Variants in PRKN observed in about 807,000 individuals in gnomAD.
PRKN encodes the protein E3 ubiquitin-protein ligase parkin.
A neutral mutation model predicts 59.5 loss-of-function variants in PRKN; 56 were observed. The ratio of observed to expected loss-of-function variants is 0.94; its 90% CI spans 0.76 to 1.18. The LOEUF (loss-of-function observed/expected upper bound fraction) is 1.18, where lower values mean the gene tolerates loss of function less well. Among genes scored for constraint, PRKN ranks in the 50% most tolerant of loss-of-function variants. The pLI is 0.00. For synonymous variants in PRKN, 250 were observed against 222.1 expected, an observed-to-expected ratio of 1.13 and a Z score of -1.12; for missense variants, 657 against 596.4, an observed-to-expected ratio of 1.10 and a Z score of -1.06.
At position 162,056,137 on chromosome 6, in the gene PRKN, GACACACCACACACGCACGCACACCAAA is replaced by G. The variant is rs1412780064; in HGVS notation, c.535-1990_535-1964del. ...ACCCACATGCATGCACGCACACCAA[GACACACCACACACGCACGCACACCAAA>G]ACACACCACACATGCATAAACACAC... On this transcript the variant is annotated intron_variant, in intron 4 of 11. Transcript: ENST00000366898. The surrounding 1 kb of genome is among the most constrained non-coding windows in gnomAD (Gnocchi z 4.9). Among the ~76,000 whole-genome samples the G allele has an allele frequency of 1.4e-4, 20 of 147,322 alleles. No homozygotes were observed. Among genetic ancestry groups the G allele is most frequent in the Admixed American group, 1.3e-3 (20 of 14,824 alleles).
At chr6:161,478,295 T>C (rs1791219210) in intron 9 of PRKN, among the ~76,000 whole-genome samples, 1 of 152,228 alleles carries the variant, frequency 6.6e-6, no homozygotes, top group African/African-American at 2.4e-5. Context: ...ATTATGTGTC[T>C]CTTTTTCACA....
intron 4 of PRKN, among the ~76,000 whole-genome samples, chr6:162,143,754 T>A (rs1367416571): frequency 6.6e-6 from 1 of 152,172 alleles, no homozygotes; most frequent in African/African-American, 2.4e-5. Flanking sequence ...TCTGTCTGCA[T>A]GGGTTTCTTA....
In PRKN at chr6:161,390,650, G is replaced by A. The variant is rs573911913; in HGVS notation, c.1084-3773C>T. Among the ~76,000 whole-genome samples, 147 of 152,098 alleles carry A rather than the reference G, an allele frequency of 9.7e-4. No individual in the cohort carries two copies. Among genetic ancestry groups the A allele is most frequent in the Non-Finnish European group, 1.9e-3 (126 of 67,996 alleles). ...ACTACAGGCGCCTGCCACCACGCCC[G>A]GCTAATTTTTGTATTTTTAGTAAAG... On this transcript the variant is annotated intron_variant, in intron 9 of 11. Coordinates refer to ENST00000366898, the MANE Select transcript of PRKN (RefSeq NM_004562.3). This position sits in a 1 kb window ranked among gnomAD's most constrained non-coding sequence, Gnocchi z 7.0.
In PRKN at chr6:161,407,125, A is replaced by G. The variant is rs534608411; in HGVS notation, c.1084-20248T>C. ...TGAGTATGCTATATTTGTCATTAAA[A>G]TGTCTTTATATTTTTATAAATATGG... On this transcript the variant is annotated intron_variant, in intron 9 of 11. Transcript: ENST00000366898. The surrounding 1 kb of genome is among the most constrained non-coding windows in gnomAD (Gnocchi z 4.9). 4.0e-4 allele frequency among the ~76,000 whole-genome samples: 61 copies of G among 152,336 alleles called. No homozygotes were observed. Among genetic ancestry groups the G allele is most frequent in the African/African-American group, 1.4e-3 (57 of 41,568 alleles).
chr6:162,439,217 T>G (rs1789932067), intron 2 of PRKN, among the ~76,000 whole-genome samples: 1 of 152,084 alleles, frequency 6.6e-6, no homozygotes, highest in Non-Finnish European at 1.5e-5. Context: ...GTCTAAATGT[T>G]TTCTATGTTG....
At chr6:162,666,177 A>C (rs553634259) in intron 1 of PRKN, among the ~76,000 whole-genome samples, 2 of 152,168 alleles carry the variant, frequency 1.3e-5, no homozygotes, top group African/African-American at 4.8e-5. Context: ...TAAGATGTCT[A>C]TAAGAAAAGA....
At chr6:162,546,736 G>GA (rs1562373568) in intron 1 of PRKN, among the ~76,000 whole-genome samples, 2 of 152,068 alleles carry the variant, frequency 1.3e-5, no homozygotes, top group Non-Finnish European at 2.9e-5. Context: ...GAGCCACCGC[G>GA]CCTGGCCCAA....
intron 6 of PRKN, among the ~76,000 whole-genome samples, chr6:161,825,971 C>T (rs1694331230): frequency 6.6e-6 from 1 of 152,130 alleles, no homozygotes; most frequent in Admixed American, 6.6e-5. Context: ...TGCCTTTATT[C>T]CCCTCTATTT....
chr6:162,011,437 A>T lies in PRKN; in HGVS notation c.619-38020T>A, dbSNP rs1782694763. On this transcript the variant is annotated intron_variant, in intron 5 of 11. Coordinates refer to ENST00000366898, the MANE Select transcript of PRKN (RefSeq NM_004562.3). ...TATTATATTTTATAATATATATGTT[A>T]TATATTTATAATATATAATATATAT... Among the ~76,000 whole-genome samples, 2 of 23,626 alleles carry T rather than the reference A, an allele frequency of 8.5e-5. 1 individual carries two copies. The highest frequency in any genetic ancestry group is 1.1e-4 in the Non-Finnish European group (2 of 17,888). 15.5% of individuals were successfully genotyped at this position (23,626 alleles called of 152,430 possible).
At chr6:161,887,253 T>C (rs1386182813) in intron 6 of PRKN, among the ~76,000 whole-genome samples, 2 of 152,176 alleles carry the variant, frequency 1.3e-5, no homozygotes, top group African/African-American at 4.8e-5. Flanking sequence ...AGCTGAATGG[T>C]TACAGAGGTA....
chr6:162,340,709 GA>G (rs1228257423), intron 2 of PRKN, among the ~76,000 whole-genome samples: 1 of 152,172 alleles, frequency 6.6e-6, no homozygotes, highest in Non-Finnish European at 1.5e-5. Context: ...ACGGTGTTGG[GA>G]AAACTGGCTA....
At chr6:162,281,305 T>C (rs1460792066) in intron 2 of PRKN, among the ~76,000 whole-genome samples, 3 of 151,932 alleles carry the variant, frequency 2.0e-5, no homozygotes, top group Admixed American at 2.0e-4. Context: ...TTAGGAGAAA[T>C]ACCTAATGTA....
chr6:161,849,534 C>T (rs1385385710), intron 6 of PRKN, among the ~76,000 whole-genome samples: 1 of 152,110 alleles, frequency 6.6e-6, no homozygotes, highest in Non-Finnish European at 1.5e-5. Context: ...TTAAGCCCTG[C>T]CCCCACCTTC....
intron 7 of PRKN, among the ~76,000 whole-genome samples, chr6:161,657,554 T>C (rs1784395917): frequency 6.6e-6 from 1 of 152,078 alleles, no homozygotes; most frequent in South Asian, 2.1e-4. Context: ...TGTCTTATTT[T>C]CCTAAGGAGA....
chr6:161,984,478 G>A (rs548256926), intron 5 of PRKN, among the ~76,000 whole-genome samples: 2 of 152,102 alleles, frequency 1.3e-5, no homozygotes, highest in South Asian at 2.1e-4. Context: ...GGATGGTCTC[G>A]AACTCCTGAC....
chr6:162,382,922 T>C (rs748580128), intron 2 of PRKN, among the ~76,000 whole-genome samples: 1 of 152,210 alleles, frequency 6.6e-6, no homozygotes. Context: ...TCCATCTCAA[T>C]AAACTGCTTT....
chr6:161,386,813 G>T lies in PRKN; in HGVS notation c.1148C>A (p.Ala383Asp), dbSNP rs1328846265. 1 of 1,613,406 alleles carries T rather than the reference G, an allele frequency of 6.2e-7. No homozygotes were observed. The highest frequency in any genetic ancestry group is 1.3e-5 in the African/African-American group (1 of 74,876). The change falls in exon 10 of 12, where the codon GCC (alanine) becomes GAC (aspartate). Residue 383 changes from alanine to aspartate, a missense_variant. By Grantham distance (126) the Ala-to-Asp change is moderately radical (BLOSUM62 -2). Coordinates refer to ENST00000366898, the MANE Select transcript of PRKN (RefSeq NM_004562.3). The surrounding 1 kb of genome is among the most constrained non-coding windows in gnomAD (Gnocchi z 4.3). ...HEGECSAVFE[A>D]SGTTTQAYRV... Reference sequence around the variant, plus strand: ...CTGTACCTGAGTAGTTGTTCCTGAGGCTTCAAATACGGCACTGCACTCCCC... The same window carrying T: ...CTGTACCTGAGTAGTTGTTCCTGAGTCTTCAAATACGGCACTGCACTCCCC...
intron 5 of PRKN, among the ~76,000 whole-genome samples, chr6:162,000,777 GT>G (rs1399695555): frequency 6.6e-6 from 1 of 151,630 alleles, no homozygotes; most frequent in Non-Finnish European, 1.5e-5. Context: ...GAGTCTTATA[GT>G]TCTGCACTTT....
chr6:162,082,117 A>G (rs1026183449), intron 4 of PRKN, among the ~76,000 whole-genome samples: 1 of 152,030 alleles, frequency 6.6e-6, no homozygotes, highest in Non-Finnish European at 1.5e-5. Context: ...ACAATTTCCA[A>G]GTGTTGTGGG....
Sources: allele counts gnomAD v4.1 joint callset (sites outside exome capture counted in the v4.1 genomes callset), GRCh38; gene constraint gnomAD v4.1.1; non-coding constraint Gnocchi (gnomAD v3.1); transcripts MANE v1.5; gene names NCBI Gene and HGNC (gene_info 2026-07-23, HGNC 2026-07-21).